BEND5: variants seen among roughly 807,000 people sequenced by gnomAD.
BEND5 encodes BEN domain-containing protein 5.
Under a neutral mutation model 43.9 loss-of-function variants are expected in BEND5, and 22 were observed. The ratio of observed to expected loss-of-function variants is 0.50; its 90% CI spans 0.36 to 0.72. BEND5 has a LOEUF of 0.72. Among genes scored for constraint, BEND5 ranks in the 30% least tolerant of loss-of-function variants. The probability of loss-of-function intolerance (pLI) is 0.00; values close to 1 mark genes in which losing one functional copy is unlikely to be tolerated. For missense variants in BEND5, 428 were observed against 550.6 expected, an observed-to-expected ratio of 0.78 and a Z score of 2.23; for synonymous variants, 228 against 225.9, an observed-to-expected ratio of 1.01 and a Z score of -0.08.
At chr1:48,731,823 T>C (rs1648183189) in intron 5 of BEND5, among the ~76,000 whole-genome samples, 1 of 152,204 alleles carries the variant, frequency 6.6e-6, no homozygotes, top group African/African-American at 2.4e-5. Flanking sequence ...TTCTATGGCA[T>C]GTTTAGAAGC....
At chr1:48,733,478 C>T (rs377279051) in intron 5 of BEND5, among the ~76,000 whole-genome samples, 9 of 152,186 alleles carry the variant, frequency 5.9e-5, no homozygotes, top group East Asian at 3.9e-4. Context: ...TTGATTGATG[C>T]GAACTATCAT....
intron 3 of BEND5, among the ~76,000 whole-genome samples, chr1:48,748,582 G>A (rs2148619249): frequency 6.6e-6 from 1 of 152,322 alleles, no homozygotes; most frequent in East Asian, 1.9e-4. Context: ...TTGGGGCTTG[G>A]AGGATGAGAG....
At chr1:48,748,723 C>T (rs1042834663) in intron 3 of BEND5, among the ~76,000 whole-genome samples, 7 of 152,004 alleles carry the variant, frequency 4.6e-5, no homozygotes, top group Admixed American at 4.6e-4. Context: ...AGGGGGAGAT[C>T]ACTGCCGGTT....
chr1:48,752,328 C>A (rs184741483), intron 3 of BEND5, among the ~76,000 whole-genome samples: 2 of 152,280 alleles, frequency 1.3e-5, no homozygotes, highest in East Asian at 3.9e-4. Context: ...TGAGCCACAA[C>A]TAGTGATGTC....
intron 1 of BEND5, 85 bp downstream of exon 1, chr1:48,776,521 G>C: frequency 4.2e-6 from 4 of 961,758 alleles, no homozygotes; most frequent in Non-Finnish European, 2.9e-6. Flanking sequence ...GGCTCCCCCC[G>C]GTCCCCTCCG....
intron 1 of BEND5, among the ~76,000 whole-genome samples, chr1:48,772,482 G>GA (rs1491236178): frequency 3.3e-5 from 5 of 152,140 alleles, no homozygotes; most frequent in Admixed American, 1.3e-4. Flanking sequence ...AAAGGAGTGC[G>GA]AGAGAGTGTG....
At chr1:48,754,903 A>G (rs1429934905) in intron 3 of BEND5, among the ~76,000 whole-genome samples, 1 of 152,176 alleles carries the variant, frequency 6.6e-6, no homozygotes, top group Non-Finnish European at 1.5e-5. Context: ...CAGGGGTCAG[A>G]AGACCCTTAG....
chr1:48,742,576 G>C (rs752270772), intron 4 of BEND5, 47 bp downstream of exon 4: 8 of 1,455,430 alleles, frequency 5.5e-6, no homozygotes, highest in Non-Finnish European at 7.3e-6. Flanking sequence ...CCTTTACTCT[G>C]ACTAACAAAC....
At position 48,736,313 on chromosome 1, in the gene BEND5, C is replaced by A; in HGVS notation, c.1034G>T (p.Gly345Val). Residue 345 changes from glycine (G) to valine (V), a missense_variant, in exon 5 of 6, where the codon GGC becomes GTC. Gly to Val is a moderately radical substitution (Grantham distance 109). Coordinates refer to ENST00000371833, the MANE Select transcript of BEND5 (RefSeq NM_024603.4). The surrounding 1 kb of genome is among the most constrained non-coding windows in gnomAD (Gnocchi z 4.0). Reference sequence around the variant, plus strand: ...ATCTTTCTTTTTTTTTGTGGCGACGCCTGTGACGCTTCTGTTTTTCAGAAC... The same window carrying A: ...ATCTTTCTTTTTTTTTGTGGCGACGACTGTGACGCTTCTGTTTTTCAGAAC... ...TDVLKNRSVT[G>V]VATKKKKDAV... 6.2e-7 allele frequency: 1 copy of A among 1,614,084 alleles called. No homozygotes were observed.
At chr1:48,765,960 T>C (rs1644507812) in intron 1 of BEND5, among the ~76,000 whole-genome samples, 1 of 152,324 alleles carries the variant, frequency 6.6e-6, no homozygotes, top group East Asian at 1.9e-4. Flanking sequence ...ATTTATTTTC[T>C]TTTTGGGTGA....
chr1:48,761,708 A>C (rs924248678), intron 1 of BEND5, among the ~76,000 whole-genome samples: 2 of 152,230 alleles, frequency 1.3e-5, no homozygotes, highest in Non-Finnish European at 2.9e-5. Context: ...AATAGCAGCC[A>C]GTGAATTTGC....
In BEND5 at chr1:48,761,397, T is replaced by A; in HGVS notation, c.300A>T (p.Val100=). 6.4e-7 allele frequency: 1 copy of A among 1,551,776 alleles called. No individual in the cohort carries two copies. Among genetic ancestry groups the A allele is most frequent in the South Asian group, 1.2e-5 (1 of 84,058 alleles). Residue 100 remains valine, a synonymous_variant, in exon 2 of 6, where the codon GTA becomes GTT. Coordinates refer to ENST00000371833, the MANE Select transcript of BEND5 (RefSeq NM_024603.4). ...AATCTTTAACCTCTCCATCTTCTTC[T>A]ACATGATTAAGAGAAAGCTTGGGGA... is the stretch of plus-strand genomic sequence containing the variant. ...IKIPKLSLNH[V]EEDGEVKDYG... is the part of the protein sequence containing the mutation.
intron 3 of BEND5, among the ~76,000 whole-genome samples, chr1:48,745,802 T>C (rs897368635): frequency 4.6e-5 from 7 of 152,164 alleles, no homozygotes; most frequent in Non-Finnish European, 8.8e-5. Flanking sequence ...CCACTTACTG[T>C]TTAGTTGACT....
At chr1:48,776,260 G>C (rs1455602770) in intron 1 of BEND5, among the ~76,000 whole-genome samples, 3 of 152,198 alleles carry the variant, frequency 2.0e-5, no homozygotes, top group Non-Finnish European at 4.4e-5. Context: ...AGGTGAGAGA[G>C]AAATGACGGT....
At chr1:48,761,524 T>A in intron 1 of BEND5, 54 bp from the exon 2 acceptor site, 1 of 1,519,646 alleles carries the variant, frequency 6.6e-7, no homozygotes, top group East Asian at 2.5e-5. Context: ...TGAGTCATTA[T>A]GAGTTTAGAA....
chr1:48,752,436 T>C (rs968699683), intron 3 of BEND5, among the ~76,000 whole-genome samples: 2 of 152,220 alleles, frequency 1.3e-5, no homozygotes, highest in African/African-American at 2.4e-5. Flanking sequence ...GGACAAATTC[T>C]ATAAGCTACA....
intron 1 of BEND5, among the ~76,000 whole-genome samples, chr1:48,770,376 C>T (rs1179740841): frequency 6.6e-6 from 1 of 152,188 alleles, no homozygotes; most frequent in Non-Finnish European, 1.5e-5. Flanking sequence ...CATTTGGTTT[C>T]CAGGACACCT....
At chr1:48,749,732 G>A (rs1416908588) in intron 3 of BEND5, among the ~76,000 whole-genome samples, 3 of 152,184 alleles carry the variant, frequency 2.0e-5, no homozygotes, top group African/African-American at 4.8e-5. Context: ...TTATCCTCTG[G>A]TGGCCAGGGA....
intron 1 of BEND5, among the ~76,000 whole-genome samples, chr1:48,772,355 G>A (rs568320218): frequency 6.6e-6 from 1 of 152,320 alleles, no homozygotes; most frequent in South Asian, 2.1e-4. Context: ...TTTATCACAG[G>A]TGGAGGGGGG....
Sources: gnomAD v4.1 joint callset for allele counts (sites outside exome capture counted in the v4.1 genomes callset) on GRCh38, gnomAD v4.1.1 for gene constraint, Gnocchi (gnomAD v3.1) non-coding constraint, MANE v1.5 for transcripts, NCBI Gene and HGNC (gene_info 2026-07-23, HGNC 2026-07-21) for gene names.